The following PARD3B variants were observed in gnomAD, a reference collection of about 807,000 sequenced individuals.
PARD3B encodes the protein partitioning defective 3 homolog B.
A neutral mutation model predicts 130.2 loss-of-function variants in PARD3B; 103 were observed. The observed-to-expected ratio is 0.79, with a 90% CI of 0.67 to 0.93. PARD3B has a LOEUF of 0.93. Ranked by LOEUF, PARD3B falls within the 40% of genes least tolerant of loss-of-function variation. The pLI is 0.00. For synonymous variants in PARD3B, 583 were observed against 553.2 expected (o/e 1.05, Z -0.76); for missense variants, 1,609 against 1,499.2 (o/e 1.07, Z -1.21).
At chr2:205,498,177 G>A (rs1300441100) in intron 20 of PARD3B, among the ~76,000 whole-genome samples, 17 of 145,754 alleles carry the variant, frequency 1.2e-4, no homozygotes, top group Non-Finnish European at 2.0e-4. Context: ...TCTACCCTGG[G>A]TGACAGAGTA....
intron 22 of PARD3B, among the ~76,000 whole-genome samples, chr2:205,573,871 T>A (rs945680375): frequency 2.5e-4 from 38 of 152,344 alleles, no homozygotes; most frequent in East Asian, 7.7e-4. Flanking sequence ...CAGTTCTTTC[T>A]CTGTCGGCAC....
At chr2:205,041,628 C>T (rs1351421886) in intron 3 of PARD3B, among the ~76,000 whole-genome samples, 1 of 151,972 alleles carries the variant, frequency 6.6e-6, no homozygotes, top group Non-Finnish European at 1.5e-5. Context: ...TGCCCCCCAC[C>T]CCGAGAGCTG....
At chr2:205,607,882 A>T (rs2055071533) in intron 22 of PARD3B, among the ~76,000 whole-genome samples, 2 of 150,646 alleles carry the variant, frequency 1.3e-5, no homozygotes, top group Non-Finnish European at 3.0e-5. Flanking sequence ...ACACACACAG[A>T]GGCATGAAGA....
At chr2:205,395,332 C>T (rs1255394134) in intron 18 of PARD3B, among the ~76,000 whole-genome samples, 1 of 152,246 alleles carries the variant, frequency 6.6e-6, no homozygotes, top group Non-Finnish European at 1.5e-5. Flanking sequence ...GAACGCTTTT[C>T]AGTCCTCACC....
In PARD3B at chr2:204,848,746, C is replaced by G. The variant is rs1369295341; in HGVS notation, c.223-116406C>G. On this transcript the variant is annotated intron_variant, in intron 2 of 22. Coordinates refer to ENST00000406610, the MANE Select transcript of PARD3B (RefSeq NM_001302769.2). ...ATATATTAAAAATAAAGTCTGTATT[C>G]TTAAACTAAAAGCTGGCATATGTGC... Among the ~76,000 whole-genome samples, 5 of 151,782 alleles carry G rather than the reference C, an allele frequency of 3.3e-5. No homozygotes were observed. In the East Asian group the frequency reaches 5.8e-4, roughly 18 times the overall value.
At chr2:205,055,092 G>C (rs1204613260) in intron 4 of PARD3B, among the ~76,000 whole-genome samples, 1 of 152,190 alleles carries the variant, frequency 6.6e-6, no homozygotes, top group East Asian at 1.9e-4. Flanking sequence ...CCCAGGCACA[G>C]TGCCTGGCAC....
chr2:205,466,443 C>A (rs2048625898), intron 20 of PARD3B, among the ~76,000 whole-genome samples: 1 of 152,088 alleles, frequency 6.6e-6, no homozygotes, highest in South Asian at 2.1e-4. Flanking sequence ...ATGCTTTGAC[C>A]TCTTGCTGCA....
At chr2:205,047,398 A>G (rs964344696) in intron 3 of PARD3B, among the ~76,000 whole-genome samples, 183 bp from the exon 4 acceptor site, 4 of 152,242 alleles carry the variant, frequency 2.6e-5, no homozygotes, top group Non-Finnish European at 4.4e-5. Context: ...TTTTGTTTCC[A>G]TGTGTCAACC....
chr2:205,441,028 A>G (rs910520314), intron 20 of PARD3B, among the ~76,000 whole-genome samples: 1 of 152,224 alleles, frequency 6.6e-6, no homozygotes, highest in African/African-American at 2.4e-5. Context: ...GGCATGGCAC[A>G]TGGAGGTGGA....
chr2:205,245,775 C>G lies in PARD3B; in HGVS notation c.2141-3C>G. ...CCTTGTCTCTTTTATTTCTTCTCCT[C>G]AGTGCCAGATGAAAGCAAGGTTCAC... On this transcript the variant is annotated splice_region_variant and splice_polypyrimidine_tract_variant and intron_variant, in intron 15 of 22. Coordinates refer to ENST00000406610, the MANE Select transcript of PARD3B (RefSeq NM_001302769.2). 6.3e-7 allele frequency: 1 copy of G among 1,596,792 alleles called. No individual in the cohort carries two copies. Among genetic ancestry groups the G allele is most frequent in the South Asian group, 1.1e-5 (1 of 89,934 alleles).
intron 21 of PARD3B, among the ~76,000 whole-genome samples, chr2:205,527,815 C>T (rs778320037): frequency 6.6e-6 from 1 of 152,194 alleles, no homozygotes; most frequent in Non-Finnish European, 1.5e-5. Flanking sequence ...AGGATCAAGA[C>T]ATACCATATT....
intron 1 of PARD3B, among the ~76,000 whole-genome samples, chr2:204,657,908 A>G (rs981117786): frequency 1.3e-5 from 2 of 152,172 alleles, no homozygotes; most frequent in African/African-American, 4.8e-5. Context: ...TTTTTTAGTA[A>G]TATGTATACA....
At chr2:205,513,494 T>G (rs1363998797) in intron 21 of PARD3B, among the ~76,000 whole-genome samples, 1 of 152,104 alleles carries the variant, frequency 6.6e-6, no homozygotes, top group East Asian at 1.9e-4. Context: ...ACCTTCCCAT[T>G]TAGAAACTTA....
intron 15 of PARD3B, among the ~76,000 whole-genome samples, chr2:205,242,876 G>A (rs915325674): frequency 1.3e-5 from 2 of 152,066 alleles, no homozygotes; most frequent in Admixed American, 1.3e-4. Flanking sequence ...AAGCTAAAAA[G>A]AACTTAGTGG....
chr2:205,285,569 T>G (rs564884446), intron 16 of PARD3B, among the ~76,000 whole-genome samples: 36 of 152,084 alleles, frequency 2.4e-4, no homozygotes, highest in Non-Finnish European at 5.0e-4. Context: ...TCAACCTCAT[T>G]CCTATACTCC....
At chr2:205,016,460 C>T (rs150754886) in intron 3 of PARD3B, among the ~76,000 whole-genome samples, 23 of 152,272 alleles carry the variant, frequency 1.5e-4, no homozygotes, top group African/African-American at 4.3e-4. Flanking sequence ...AGGAGACACT[C>T]AGGAACTCTT....
chr2:205,403,248 A>G (rs1024274065), intron 19 of PARD3B, among the ~76,000 whole-genome samples: 1 of 152,146 alleles, frequency 6.6e-6, no homozygotes, highest in African/African-American at 2.4e-5. Flanking sequence ...TTACATTAGC[A>G]TATCTCATTT....
At chr2:205,521,135 T>A (rs2106398094) in intron 21 of PARD3B, among the ~76,000 whole-genome samples, 1 of 151,894 alleles carries the variant, frequency 6.6e-6, no homozygotes, top group African/African-American at 2.4e-5. Context: ...ATACTAATGG[T>A]CTGTTTTATA....
intron 2 of PARD3B, among the ~76,000 whole-genome samples, chr2:204,755,041 TTG>T (rs2040607155): frequency 6.6e-6 from 1 of 152,168 alleles, no homozygotes; most frequent in Non-Finnish European, 1.5e-5. Flanking sequence ...GTTATTAGTG[TTG>T]TGTTATTTAA....
Sources: gnomAD v4.1 joint callset for allele counts (sites outside exome capture counted in the v4.1 genomes callset) on GRCh38, gnomAD v4.1.1 for gene constraint, MANE v1.5 for transcripts, NCBI Gene and HGNC (gene_info 2026-07-23, HGNC 2026-07-21) for gene names.